PHACTR3: variants seen among roughly 807,000 people sequenced by gnomAD.
PHACTR3 encodes phosphatase and actin regulator 3.
A neutral mutation model predicts 66.8 loss-of-function variants in PHACTR3; 16 were observed. That is an observed-to-expected ratio of 0.24 (90% CI 0.16 to 0.36). The LOEUF (loss-of-function observed/expected upper bound fraction) is 0.36. Among genes scored for constraint, PHACTR3 ranks in the 10% least tolerant of loss-of-function variants. The probability of loss-of-function intolerance (pLI) is 1.00; values close to 1 mark genes in which losing one functional copy is unlikely to be tolerated. For synonymous variants in PHACTR3, 323 were observed against 292.1 expected (o/e 1.11, Z -1.08); for missense variants, 647 against 719.9 (o/e 0.90, Z 1.16).
In PHACTR3 at chr20:59,783,559, T is replaced by TTTTG. The variant is rs201560342; in HGVS notation, c.1174+9084_1174+9087dup. 6.6e-5 allele frequency among the ~76,000 whole-genome samples: 10 copies of TTTTG among 152,314 alleles called. No homozygotes were observed. In the East Asian group the frequency reaches 7.7e-4, roughly 12 times the overall value. ...ATAAGACAGCTGCTATTACCGCTTT[T>TTTTG]TTTGTTTGTTTGTTTGTTAACAGTA... On this transcript the variant is annotated intron_variant, in intron 7 of 12. Coordinates refer to ENST00000371015, the MANE Select transcript of PHACTR3 (RefSeq NM_080672.5).
In PHACTR3 at chr20:59,695,825, C is replaced by T. The variant is rs372861408; in HGVS notation, c.119-47282C>T. On this transcript the variant is annotated intron_variant, in intron 1 of 12. Coordinates refer to ENST00000371015, the MANE Select transcript of PHACTR3 (RefSeq NM_080672.5). ...TCAGCTAACTGCAATGTCCACCTCT[C>T]GGGTTCAAGCAATTCTCCTGCCTCA... is the stretch of plus-strand genomic sequence containing the variant. Among the ~76,000 whole-genome samples the T allele has an allele frequency of 9.5e-4, 144 of 151,868 alleles. 2 individuals carry two copies. The highest frequency in any genetic ancestry group is 2.9e-4 in the Non-Finnish European group (20 of 68,000).
intron 1 of PHACTR3, among the ~76,000 whole-genome samples, chr20:59,695,152 G>C (rs1282692804): frequency 1.3e-5 from 2 of 152,134 alleles, no homozygotes; most frequent in Non-Finnish European, 2.9e-5. Flanking sequence ...ACGGGTACCT[G>C]TGTAAATATA....
At chr20:59,786,630 G>C (rs1348391379) in intron 7 of PHACTR3, among the ~76,000 whole-genome samples, 1 of 152,150 alleles carries the variant, frequency 6.6e-6, no homozygotes, top group Non-Finnish European at 1.5e-5. Context: ...CAGTTGACAG[G>C]TGTCTGTGGA....
At chr20:59,791,152 A>G (rs2041081531) in intron 7 of PHACTR3, among the ~76,000 whole-genome samples, 1 of 152,156 alleles carries the variant, frequency 6.6e-6, no homozygotes, top group Admixed American at 6.5e-5. Flanking sequence ...TGGGACTTCT[A>G]AAAGGTGATT....
At chr20:59,630,867 G>A (rs1311828759) in intron 1 of PHACTR3, among the ~76,000 whole-genome samples, 1 of 152,100 alleles carries the variant, frequency 6.6e-6, no homozygotes, top group Non-Finnish European at 1.5e-5. Context: ...GGAAGCTCTA[G>A]GATTCTCGGT....
At chr20:59,587,435 T>C (rs2033065572) in intron 1 of PHACTR3, among the ~76,000 whole-genome samples, 1 of 152,264 alleles carries the variant, frequency 6.6e-6, no homozygotes, top group Non-Finnish European at 1.5e-5. Flanking sequence ...GGATGGAGTG[T>C]AATTCTGAAA....
chr20:59,633,378 A>T (rs1231214801), intron 1 of PHACTR3, among the ~76,000 whole-genome samples: 5 of 152,210 alleles, frequency 3.3e-5, no homozygotes, highest in South Asian at 2.1e-4. Context: ...GGAAGCCATC[A>T]TCCTCAGCAA....
At chr20:59,687,525 C>T (rs372234209) in intron 1 of PHACTR3, among the ~76,000 whole-genome samples, 5 of 152,166 alleles carry the variant, frequency 3.3e-5, no homozygotes, top group Middle Eastern at 3.4e-3. Context: ...CAAAATTTAC[C>T]GAAGCTGATG....
chr20:59,668,460 A>AGTG (rs2036073022), intron 1 of PHACTR3, among the ~76,000 whole-genome samples: 1 of 152,134 alleles, frequency 6.6e-6, no homozygotes, highest in African/African-American at 2.4e-5. Context: ...CGTTTGGGTC[A>AGTG]TTGGCCTTTC....
chr20:59,689,873 C>G (rs530588210), intron 1 of PHACTR3, among the ~76,000 whole-genome samples: 1 of 152,160 alleles, frequency 6.6e-6, no homozygotes, highest in South Asian at 2.1e-4. Context: ...TCATTACCCC[C>G]AGCCACACCA....
At chr20:59,588,208 G>T (rs1277767298) in intron 1 of PHACTR3, among the ~76,000 whole-genome samples, 2 of 152,172 alleles carry the variant, frequency 1.3e-5, no homozygotes, top group Non-Finnish European at 2.9e-5. Context: ...CATATGTGAG[G>T]CTCTGATTTG....
intron 1 of PHACTR3, among the ~76,000 whole-genome samples, chr20:59,584,525 G>C (rs1242324063): frequency 6.6e-6 from 1 of 152,084 alleles, no homozygotes; most frequent in African/African-American, 2.4e-5. Context: ...ATGAGTGTGT[G>C]CATGCACAAG....
chr20:59,839,834 G>A (rs747943322), intron 9 of PHACTR3, among the ~76,000 whole-genome samples: 15 of 152,150 alleles, frequency 9.9e-5, no homozygotes, highest in Non-Finnish European at 1.9e-4. Context: ...AATATAGTCT[G>A]AACATATAAA....
intron 1 of PHACTR3, among the ~76,000 whole-genome samples, chr20:59,646,715 C>CT (rs1179216402): frequency 4.6e-5 from 7 of 152,172 alleles, no homozygotes; most frequent in Non-Finnish European, 4.4e-5. Context: ...TGACTCGGAG[C>CT]TGGAATCTGA....
chr20:59,595,990 C>T lies in PHACTR3; in HGVS notation c.109+18373C>T, dbSNP rs1446094211. On this transcript the variant is annotated intron_variant, in intron 1 of 12. Coordinates refer to the PHACTR3 transcript ENST00000359926. The stretch of plus-strand genomic sequence containing the variant: ...GATGAATTTTCACCAAGTGAACACA[C>T]CTCTGTAGGCAGAACGCAGTTCAAG... Among the ~76,000 whole-genome samples the T allele has an allele frequency of 2.0e-5, 3 of 152,174 alleles. 1 individual carries two copies. The highest frequency in any genetic ancestry group is 4.4e-5 in the Non-Finnish European group (3 of 68,034).
At chr20:59,766,150 C>T (rs79002100) in intron 4 of PHACTR3, among the ~76,000 whole-genome samples, 3,401 of 152,224 alleles carry the variant, frequency 0.022, 57 homozygotes, top group Non-Finnish European at 0.035. Context: ...GGAGGTGAAG[C>T]TGTGTGGTGG....
chr20:59,647,850 G>A (rs2035336993), intron 1 of PHACTR3, among the ~76,000 whole-genome samples: 1 of 152,098 alleles, frequency 6.6e-6, no homozygotes, highest in South Asian at 2.1e-4. Context: ...TTCTTGGCTG[G>A]GTTTCCTCAT....
Position 59,604,998 on chromosome 20 carries a change from C to G in PHACTR3, c.-17C>G, listed in dbSNP as rs1005387501. Reference sequence around the variant, plus strand: ...CCACGCGGCTCGCTCTAACTTGCCCCCGCGCCGGCCGGGCCCATGGCCGCG... The same window carrying G: ...CCACGCGGCTCGCTCTAACTTGCCCGCGCGCCGGCCGGGCCCATGGCCGCG... On this transcript the variant is annotated 5_prime_UTR_variant, in exon 1 of 13. Coordinates refer to ENST00000371015, the MANE Select transcript of PHACTR3 (RefSeq NM_080672.5). The G allele has an allele frequency of 4.6e-6, 6 of 1,304,238 alleles. No homozygotes were observed. Among genetic ancestry groups the G allele is most frequent in the Non-Finnish European group, 4.9e-6 (5 of 1,020,460 alleles). The allele number at this position is 1,304,238 out of a possible 1,614,324, so 80.8% of individuals were successfully genotyped here. A position where few individuals can be genotyped will look rare whatever the true frequency, so the allele number is the denominator to read the frequency against.
At chr20:59,656,443 A>T (rs1170399079) in intron 1 of PHACTR3, among the ~76,000 whole-genome samples, 1 of 151,838 alleles carries the variant, frequency 6.6e-6, no homozygotes, top group Non-Finnish European at 1.5e-5. Flanking sequence ...GCTTTATCTG[A>T]TATTGGAATA....
Sources: gnomAD v4.1 joint callset for allele counts (sites outside exome capture counted in the v4.1 genomes callset) on GRCh38, gnomAD v4.1.1 for gene constraint, MANE v1.5 for transcripts, NCBI Gene and HGNC (gene_info 2026-07-23, HGNC 2026-07-21) for gene names.